Variants in SUMF1 observed in about 807,000 individuals in gnomAD.
SUMF1 encodes the protein formylglycine-generating enzyme.
Under a neutral mutation model 47.6 loss-of-function variants are expected in SUMF1, and 48 were observed. That is an observed-to-expected ratio of 1.01 (90% CI 0.80 to 1.28). The LOEUF is 1.28. Among genes scored for constraint, SUMF1 ranks in the 50% most tolerant of loss-of-function variants. SUMF1 has a pLI of 0.00. For missense variants in SUMF1, 571 were observed against 485.4 expected, an observed-to-expected ratio of 1.18 and a Z score of -1.66; for synonymous variants, 230 against 192.1, an observed-to-expected ratio of 1.20 and a Z score of -1.63.
chr3:4,238,614 T>G (rs1696464466), intron 8 of SUMF1, among the ~76,000 whole-genome samples: 1 of 152,204 alleles, frequency 6.6e-6, no homozygotes, highest in Non-Finnish European at 1.5e-5. Flanking sequence ...TACTTTTTGA[T>G]GGGGTTGTTT....
At chr3:4,353,601 G>T (rs1433423527) in intron 8 of SUMF1, among the ~76,000 whole-genome samples, 1 of 152,082 alleles carries the variant, frequency 6.6e-6, no homozygotes, top group African/African-American at 2.4e-5. Flanking sequence ...GAGCCCTCAG[G>T]CTACATATCA....
In SUMF1 at chr3:4,254,093, C is replaced by T. The variant is rs1344468291; in HGVS notation, c.1014+122237G>A. 1.2e-3 allele frequency among the ~76,000 whole-genome samples: 181 copies of T among 151,740 alleles called. 1 individual carries two copies. Among genetic ancestry groups the T allele is most frequent in the South Asian group, 2.9e-3 (14 of 4,756 alleles). ...AAAACTAACAAACAGAAAGGACATC[C>T]ACACCGAAAACCCATCTGTACATCA... On this transcript the variant is annotated intron_variant and NMD_transcript_variant, in intron 8 of 12. Coordinates refer to the SUMF1 transcript ENST00000448413.
chr3:4,389,963 G>A (rs116405051), intron 7 of SUMF1, among the ~76,000 whole-genome samples: 2,679 of 152,230 alleles, frequency 0.018, 37 homozygotes, highest in Non-Finnish European at 0.029. Context: ...ATCTCAGTGT[G>A]GGCATCTGCT....
chr3:4,119,699 C>A (rs1354540987), intron 8 of SUMF1, among the ~76,000 whole-genome samples: 1 of 149,602 alleles, frequency 6.7e-6, no homozygotes, highest in African/African-American at 2.5e-5. Flanking sequence ...CAAGAGGCCA[C>A]ACACACATAC....
chr3:4,443,024 C>A (rs544892704), intron 3 of SUMF1, among the ~76,000 whole-genome samples: 114 of 151,394 alleles, frequency 7.5e-4, no homozygotes, highest in Non-Finnish European at 1.0e-3. Flanking sequence ...GTCTGTAATC[C>A]TAGCACTTTG....
intron 9 of SUMF1, among the ~76,000 whole-genome samples, chr3:4,062,712 A>G (rs1338091609): frequency 6.6e-6 from 1 of 152,168 alleles, no homozygotes; most frequent in African/African-American, 2.4e-5. Context: ...TAGGTCATGA[A>G]AAATGATTGC....
chr3:4,437,052 G>C (rs572233790), intron 3 of SUMF1, among the ~76,000 whole-genome samples: 6 of 152,192 alleles, frequency 3.9e-5, no homozygotes, highest in Admixed American at 2.6e-4. Context: ...CAAATAACAA[G>C]AAAGTTTACT....
In SUMF1 at chr3:4,264,104, G is replaced by T. The variant is rs566481639; in HGVS notation, c.1014+112226C>A. 3.9e-5 allele frequency among the ~76,000 whole-genome samples: 6 copies of T among 152,134 alleles called. No individual in the cohort carries two copies. The South Asian group carries it at 6.2e-4, about 16-fold the overall frequency. On this transcript the variant is annotated intron_variant and NMD_transcript_variant, in intron 8 of 12. Transcript: ENST00000448413. Reference sequence around the variant, plus strand: ...TGATCCCTACTAAGTAAGAAAAGAAGGTCTAAGAATGAAACTGAGCTCTCC... The same window carrying T: ...TGATCCCTACTAAGTAAGAAAAGAATGTCTAAGAATGAAACTGAGCTCTCC...
intron 1 of SUMF1, among the ~76,000 whole-genome samples, chr3:4,455,607 C>T (rs1436807515): frequency 6.6e-6 from 1 of 152,136 alleles, no homozygotes; most frequent in Admixed American, 6.6e-5. Flanking sequence ...ATCCCAGCCA[C>T]TTGGGAGGCT....
At chr3:4,228,758 G>T (rs148674719) in intron 8 of SUMF1, among the ~76,000 whole-genome samples, 3 of 152,018 alleles carry the variant, frequency 2.0e-5, no homozygotes, top group African/African-American at 7.2e-5. Flanking sequence ...CTTTTAAATG[G>T]ACCATTTTAG....
At chr3:4,397,940 C>T (rs1701089755) in intron 7 of SUMF1, among the ~76,000 whole-genome samples, 1 of 152,082 alleles carries the variant, frequency 6.6e-6, no homozygotes, top group Non-Finnish European at 1.5e-5. Flanking sequence ...CTACCCTAGA[C>T]ATTTTCTCTG....
intron 8 of SUMF1, among the ~76,000 whole-genome samples, chr3:4,131,302 T>G (rs1246481629): frequency 6.6e-6 from 1 of 152,136 alleles, no homozygotes; most frequent in Non-Finnish European, 1.5e-5. Flanking sequence ...CAAATGCCCA[T>G]GGTCTCCATT....
At chr3:4,434,909 T>C (rs1297489406) in intron 3 of SUMF1, among the ~76,000 whole-genome samples, 1 of 151,962 alleles carries the variant, frequency 6.6e-6, no homozygotes, top group Non-Finnish European at 1.5e-5. Flanking sequence ...GACCCAGAAG[T>C]TGGAATTATC....
intron 8 of SUMF1, among the ~76,000 whole-genome samples, chr3:4,328,210 C>A (rs1323379654): frequency 1.3e-5 from 2 of 151,012 alleles, no homozygotes; most frequent in African/African-American, 4.9e-5. Context: ...CCAACAAGAC[C>A]CTGTCTCAAA....
intron 8 of SUMF1, among the ~76,000 whole-genome samples, chr3:4,100,969 G>A (rs993808821): frequency 6.6e-6 from 1 of 152,032 alleles, no homozygotes; most frequent in South Asian, 2.1e-4. Context: ...ACTCACATCT[G>A]TTAGATAAGC....
At chr3:4,290,932 C>G (rs540968418) in intron 8 of SUMF1, among the ~76,000 whole-genome samples, 1 of 152,244 alleles carries the variant, frequency 6.6e-6, no homozygotes, top group South Asian at 2.1e-4. Flanking sequence ...AAAAAAACAA[C>G]TGTAAATCCG....
chr3:4,434,193 A>T (rs1702324839), intron 3 of SUMF1, among the ~76,000 whole-genome samples: 1 of 152,066 alleles, frequency 6.6e-6, no homozygotes, highest in Admixed American at 6.6e-5. Context: ...GAAATGCATA[A>T]TGTTGATGGT....
chr3:4,292,489 G>A (rs1230913179), intron 8 of SUMF1, among the ~76,000 whole-genome samples: 3 of 152,178 alleles, frequency 2.0e-5, no homozygotes, highest in Admixed American at 2.0e-4. Flanking sequence ...GCTATAAGAT[G>A]AGGCAATATA....
chr3:4,249,286 C>A (rs972613100), intron 8 of SUMF1, among the ~76,000 whole-genome samples: 5 of 152,142 alleles, frequency 3.3e-5, no homozygotes, highest in Non-Finnish European at 5.9e-5. Context: ...TTTTATTCTG[C>A]TTCACTTTAT....
Sources: gnomAD v4.1 joint callset for allele counts (sites outside exome capture counted in the v4.1 genomes callset) on GRCh38, gnomAD v4.1.1 for gene constraint, MANE v1.5 for transcripts, NCBI Gene and HGNC (gene_info 2026-07-23, HGNC 2026-07-21) for gene names.